The following CDH13 variants were observed in gnomAD, a reference collection of about 807,000 sequenced individuals.
CDH13 encodes cadherin-13.
A neutral mutation model predicts 63.8 loss-of-function variants in CDH13; 24 were observed. The observed-to-expected ratio is 0.38, with a 90% CI of 0.27 to 0.53. CDH13 has a LOEUF of 0.53. Among genes scored for constraint, CDH13 ranks in the 20% least tolerant of loss-of-function variants. The pLI is 0.85. For missense variants in CDH13, 1,049 were observed against 903.1 expected, an observed-to-expected ratio of 1.16 and a Z score of -2.07; for synonymous variants, 503 against 355.3, an observed-to-expected ratio of 1.42 and a Z score of -4.67.
intron 6 of CDH13, among the ~76,000 whole-genome samples, chr16:83,427,356 A>G (rs2071943857): frequency 6.6e-6 from 1 of 152,150 alleles, no homozygotes; most frequent in Admixed American, 6.6e-5. Flanking sequence ...GGAGGGTCAG[A>G]GAAAGAGATG....
chr16:82,716,757 G>T (rs1051594480), intron 1 of CDH13, among the ~76,000 whole-genome samples: 8 of 151,410 alleles, frequency 5.3e-5, no homozygotes, highest in Admixed American at 1.3e-4. Context: ...TACAAGTTAT[G>T]AATATGCCAG....
chr16:83,194,005 C>T (rs1008974118), intron 4 of CDH13, among the ~76,000 whole-genome samples: 1 of 152,212 alleles, frequency 6.6e-6, no homozygotes, highest in Non-Finnish European at 1.5e-5. Flanking sequence ...CCGATGTTTT[C>T]ATTAGAAAAG....
chr16:83,758,251 C>T (rs1436092704), intron 11 of CDH13, among the ~76,000 whole-genome samples: 2 of 151,892 alleles, frequency 1.3e-5, no homozygotes, highest in Non-Finnish European at 2.9e-5. Context: ...AAGGTTTTTC[C>T]AAAACCTGAC....
rs1238023025 is a variant in CDH13 at position 83,447,030 on chromosome 16, C to A, written c.782-39447C>A. On this transcript the variant is annotated intron_variant, in intron 6 of 13. Coordinates refer to ENST00000567109, the MANE Select transcript of CDH13 (RefSeq NM_001257.5). ...TAAGGAAATGATTTAAATAGACTTACCACCACCACTGGTCACCCGTCTTAA... is the reference window on the plus strand; with the variant it reads ...TAAGGAAATGATTTAAATAGACTTAACACCACCACTGGTCACCCGTCTTAA... Among the ~76,000 whole-genome samples the A allele has an allele frequency of 4.8e-5, 6 of 124,202 alleles. No individual in the cohort carries two copies. The Admixed American group carries it at 5.5e-4, about 11-fold the overall frequency. The allele number at this position is 124,202 out of a possible 152,430, so 81.5% of individuals were successfully genotyped here. A position where few individuals can be genotyped will look rare whatever the true frequency, so the allele number is the denominator to read the frequency against.
Position 83,124,090 on chromosome 16 carries a change from G to C in CDH13, c.367-1295G>C, listed in dbSNP as rs553377675. Among the ~76,000 whole-genome samples, 4 of 152,262 alleles carry C rather than the reference G, an allele frequency of 2.6e-5. 1 individual carries two copies. The South Asian group carries it at 8.3e-4, about 32-fold the overall frequency. On this transcript the variant is annotated intron_variant, in intron 3 of 13. Transcript: ENST00000567109. ...AGCTGGAGTCTCGTTCTGTCACCCA[G>C]GATGGAGTTCAGTGGTGTAATCTTG... is the stretch of plus-strand genomic sequence containing the variant.
At chr16:83,045,966 C>G (rs1296665315) in intron 3 of CDH13, among the ~76,000 whole-genome samples, 3 of 152,216 alleles carry the variant, frequency 2.0e-5, no homozygotes, top group African/African-American at 4.8e-5. Flanking sequence ...TGCCTGTGGA[C>G]TTTTGGACCC....
chr16:82,763,177 C>G (rs2034918875), intron 1 of CDH13, among the ~76,000 whole-genome samples: 6 of 152,176 alleles, frequency 3.9e-5, no homozygotes, highest in African/African-American at 1.4e-4. Context: ...ATCTGTAAGC[C>G]TTGCTCTTTC....
At chr16:83,189,826 G>A (rs531698645) in intron 4 of CDH13, among the ~76,000 whole-genome samples, 10 of 152,266 alleles carry the variant, frequency 6.6e-5, no homozygotes, top group African/African-American at 2.2e-4. Context: ...CACACGTCAC[G>A]GGAGGGACCC....
chr16:83,332,479 G>T (rs752414064), intron 5 of CDH13, among the ~76,000 whole-genome samples: 3 of 151,882 alleles, frequency 2.0e-5, no homozygotes, highest in Admixed American at 1.3e-4. Flanking sequence ...TTAAAAAAAA[G>T]GTATTGCATT....
chr16:82,636,884 T>A (rs1908721187), intron 1 of CDH13, among the ~76,000 whole-genome samples: 1 of 152,148 alleles, frequency 6.6e-6, no homozygotes, highest in South Asian at 2.1e-4. Context: ...AACAAGGGGC[T>A]CTTGCTACCT....
intron 4 of CDH13, among the ~76,000 whole-genome samples, chr16:83,215,808 G>C (rs2039484826): frequency 6.6e-6 from 1 of 152,088 alleles, no homozygotes; most frequent in African/African-American, 2.4e-5. Context: ...TCTTTTATCT[G>C]TGTGTCCTGA....
intron 5 of CDH13, among the ~76,000 whole-genome samples, chr16:83,265,982 G>A (rs1024555520): frequency 1.3e-5 from 2 of 151,916 alleles, no homozygotes; most frequent in African/African-American, 4.8e-5. Context: ...TGTCGCCCAG[G>A]CTAGAGTGCA....
chr16:83,750,444 A>G (rs1912985883), intron 11 of CDH13, among the ~76,000 whole-genome samples: 1 of 152,208 alleles, frequency 6.6e-6, no homozygotes. Context: ...AACAATTGAT[A>G]TGACTGAACT....
At position 82,767,620 on chromosome 16, in the gene CDH13, G is replaced by A. The variant is rs183968006; in HGVS notation, c.46-90742G>A. 2.4e-3 allele frequency among the ~76,000 whole-genome samples: 369 copies of A among 152,234 alleles called. 3 individuals carry two copies. The highest frequency in any genetic ancestry group is 9.7e-4 in the Non-Finnish European group (66 of 68,014). ...TCCCCAGCATAGTGCCTTTGTTCATGTTCTTTCTTTCCATCACTCCCTGGA... is the reference window on the plus strand; with the variant it reads ...TCCCCAGCATAGTGCCTTTGTTCATATTCTTTCTTTCCATCACTCCCTGGA... On this transcript the variant is annotated intron_variant, in intron 1 of 13. Transcript: ENST00000567109.
intron 3 of CDH13, among the ~76,000 whole-genome samples, chr16:83,048,845 C>G (rs1410109938): frequency 1.3e-5 from 2 of 152,112 alleles, no homozygotes; most frequent in Admixed American, 6.6e-5. Flanking sequence ...CAGGCGAAAC[C>G]AAATTATTTC....
At chr16:82,707,700 T>C (rs2031603252) in intron 1 of CDH13, among the ~76,000 whole-genome samples, 1 of 152,184 alleles carries the variant, frequency 6.6e-6, no homozygotes, top group South Asian at 2.1e-4. Flanking sequence ...TTAAGCTTGA[T>C]GTCTCTGTTT....
chr16:82,949,123 G>C (rs879630056), intron 2 of CDH13, among the ~76,000 whole-genome samples: 1 of 152,132 alleles, frequency 6.6e-6, no homozygotes, highest in Non-Finnish European at 1.5e-5. Context: ...AAAAGTACTG[G>C]GTGACTTAAA....
chr16:83,189,939 T>C (rs1189226627), intron 4 of CDH13, among the ~76,000 whole-genome samples: 2 of 152,200 alleles, frequency 1.3e-5, no homozygotes, highest in Non-Finnish European at 2.9e-5. Flanking sequence ...GGAGTTCCCC[T>C]GCACAAGCTC....
At chr16:82,910,603 T>C (rs375159880) in intron 2 of CDH13, among the ~76,000 whole-genome samples, 1 of 152,180 alleles carries the variant, frequency 6.6e-6, no homozygotes, top group Non-Finnish European at 1.5e-5. Context: ...CTAATCCTTG[T>C]TGGAAAATTC....
Sources: gnomAD v4.1 joint callset for allele counts (sites outside exome capture counted in the v4.1 genomes callset) on GRCh38, gnomAD v4.1.1 for gene constraint, MANE v1.5 for transcripts, NCBI Gene and HGNC (gene_info 2026-07-23, HGNC 2026-07-21) for gene names.